The following RBFOX1 variants were observed in gnomAD, a reference collection of about 807,000 sequenced individuals.
RBFOX1 encodes RNA binding fox-1 homolog 1, also known as RNA binding protein fox-1 homolog 1.
A neutral mutation model predicts 57.7 loss-of-function variants in RBFOX1; 8 were observed. That is an observed-to-expected ratio of 0.14 (90% confidence interval 0.08 to 0.25). The LOEUF is 0.25. Among genes scored for constraint, RBFOX1 ranks in the 10% least tolerant of loss-of-function variants. The probability of loss-of-function intolerance (pLI) is 1.00; values close to 1 mark genes in which losing one functional copy is unlikely to be tolerated. For synonymous variants in RBFOX1, 326 were observed against 222.4 expected (o/e 1.47, Z -4.15); for missense variants, 611 against 548.5 (o/e 1.11, Z -1.14).
chr16:6,090,172 A>C (rs139591539), intron 1 of RBFOX1: 23 of 152,246 alleles, frequency 1.5e-4, no homozygotes, highest in African/African-American at 5.3e-4. Context: ...ATGTCACTCC[A>C]TTCTTCTGCC....
intron 1 of RBFOX1, among the ~76,000 whole-genome samples, chr16:5,391,630 C>T (rs145599410): frequency 6.6e-6 from 1 of 152,300 alleles, no homozygotes. Context: ...TGAAGGCTGT[C>T]TGTTCCAGGC....
chr16:6,987,509 G>T (rs1173722557), intron 3 of RBFOX1, among the ~76,000 whole-genome samples: 1 of 126,952 alleles, frequency 7.9e-6, no homozygotes, highest in African/African-American at 2.9e-5. Context: ...ACACACAGAG[G>T]CATGCCCCAC....
At chr16:5,657,636 CTTTCTTTCTTTCTTTCTTTTCT>C (rs1193234835) in intron 3 of RBFOX1, among the ~76,000 whole-genome samples, 39 of 67,190 alleles carry the variant, frequency 5.8e-4, no homozygotes, top group African/African-American at 1.3e-3. Flanking sequence ...TTCTTTCTTT[CTTTCTTTCTTTCTTTCTTTTCT>C]TTTCTTTCTT....
intron 4 of RBFOX1, among the ~76,000 whole-genome samples, chr16:7,078,412 A>T (rs2058632046): frequency 6.6e-6 from 1 of 152,168 alleles, no homozygotes; most frequent in Non-Finnish European, 1.5e-5. Context: ...CAGTGGCACG[A>T]TCTTGGCTCA....
chr16:6,693,464 T>C (rs910776739), intron 3 of RBFOX1, among the ~76,000 whole-genome samples: 1 of 150,818 alleles, frequency 6.6e-6, no homozygotes, highest in East Asian at 2.0e-4. Context: ...ACCATCATCA[T>C]CACCATCATC....
intron 3 of RBFOX1, among the ~76,000 whole-genome samples, chr16:6,931,273 C>T (rs561551975): frequency 2.5e-5 from 3 of 121,520 alleles, no homozygotes; most frequent in Non-Finnish European, 5.3e-5. Flanking sequence ...AAAAAAAAAT[C>T]TATCTATCTG....
chr16:6,371,169 A>G (rs1013943557), intron 2 of RBFOX1, among the ~76,000 whole-genome samples: 2 of 152,172 alleles, frequency 1.3e-5, no homozygotes, highest in South Asian at 2.1e-4. Flanking sequence ...ACTGTAATTA[A>G]TACATAGTTT....
At chr16:6,565,277 GAC>G (rs1280754869) in intron 2 of RBFOX1, among the ~76,000 whole-genome samples, 2 of 135,626 alleles carry the variant, frequency 1.5e-5, no homozygotes, top group Non-Finnish European at 3.2e-5. Context: ...TTTTGTCTGA[GAC>G]AGAGTCTCAC....
intron 1 of RBFOX1, among the ~76,000 whole-genome samples, chr16:5,428,257 C>A (rs1017124871): frequency 2.6e-5 from 4 of 152,290 alleles, no homozygotes; most frequent in Admixed American, 2.6e-4. Flanking sequence ...CAGAGAGGTA[C>A]AAACTTGCTA....
chr16:6,042,554 G>A (rs1227940568), intron 1 of RBFOX1, among the ~76,000 whole-genome samples: 1 of 152,050 alleles, frequency 6.6e-6, no homozygotes, highest in Non-Finnish European at 1.5e-5. Context: ...CAGGTTTTTG[G>A]GAATAGGAGG....
chr16:6,601,908 G>A (rs993268529), intron 2 of RBFOX1, among the ~76,000 whole-genome samples: 2 of 152,180 alleles, frequency 1.3e-5, no homozygotes, highest in Non-Finnish European at 2.9e-5. Flanking sequence ...CATTTTAAAG[G>A]ACAGTGACCT....
At chr16:5,617,882 C>T (rs1041277058) in intron 3 of RBFOX1, among the ~76,000 whole-genome samples, 1 of 152,140 alleles carries the variant, frequency 6.6e-6, no homozygotes, top group South Asian at 2.1e-4. Flanking sequence ...TTATCTGTGA[C>T]ATTATGAAAG....
intron 3 of RBFOX1, among the ~76,000 whole-genome samples, chr16:6,702,565 A>C (rs1032024791): frequency 5.7e-5 from 8 of 141,482 alleles, no homozygotes; most frequent in South Asian, 4.6e-4. Flanking sequence ...AAAAAAAAAA[A>C]CAAAAATCCA....
At chr16:7,551,701 A>G (rs2086595725) in intron 5 of RBFOX1, among the ~76,000 whole-genome samples, 1 of 152,232 alleles carries the variant, frequency 6.6e-6, no homozygotes, top group African/African-American at 2.4e-5. Context: ...CTGCTGGAAT[A>G]GGCTGCCAAG....
intron 2 of RBFOX1, chr16:6,573,688 CAG>C (rs1162655963): frequency 6.6e-6 from 1 of 152,186 alleles, no homozygotes; most frequent in Non-Finnish European, 1.5e-5. Context: ...GTGACATGCT[CAG>C]GGGTGACGCG....
At chr16:5,524,817 A>G (rs964984403) in intron 2 of RBFOX1, among the ~76,000 whole-genome samples, 15 of 152,160 alleles carry the variant, frequency 9.9e-5, no homozygotes, top group Non-Finnish European at 1.6e-4. Context: ...CTGGGATTAC[A>G]GGCGTGAGAC....
chr16:6,044,123 T>TA (rs1208339042), intron 1 of RBFOX1, among the ~76,000 whole-genome samples: 1 of 152,204 alleles, frequency 6.6e-6, no homozygotes, highest in Non-Finnish European at 1.5e-5. Flanking sequence ...CCTTGACTGA[T>TA]ACAGTGACTG....
intron 5 of RBFOX1, among the ~76,000 whole-genome samples, chr16:7,557,513 G>C (rs987986949): frequency 3.3e-5 from 5 of 149,394 alleles, no homozygotes; most frequent in African/African-American, 7.4e-5. Context: ...CCACCTACTC[G>C]AGAGGCTGAG....
At chr16:6,057,857 C>T (rs1431366341) in intron 1 of RBFOX1, among the ~76,000 whole-genome samples, 1 of 72,208 alleles carries the variant, frequency 1.4e-5, no homozygotes, top group Non-Finnish European at 2.5e-5. Flanking sequence ...TTGAGGCAAA[C>T]ATAACTTTGT....
Sources: gnomAD v4.1 joint callset for allele counts (sites outside exome capture counted in the v4.1 genomes callset) on GRCh38, gnomAD v4.1.1 for gene constraint, MANE v1.5 for transcripts, NCBI Gene and HGNC (gene_info 2026-07-23, HGNC 2026-07-21) for gene names.